The following FBXL6 variants were observed in gnomAD, a reference collection of about 807,000 sequenced individuals.
FBXL6 encodes F-box and leucine rich repeat protein 6, also known as F-box/LRR-repeat protein 6.
FBXL6 carries 50 observed loss-of-function variants against 53.3 expected under a neutral mutation model. That is an observed-to-expected ratio of 0.94 (90% confidence interval 0.75 to 1.19). FBXL6 has a LOEUF of 1.19. Ranked by LOEUF, FBXL6 falls within the 50% of genes most tolerant of loss-of-function variation. The probability of loss-of-function intolerance (pLI) is 0.00; values close to 1 mark genes in which losing one functional copy is unlikely to be tolerated. For synonymous variants in FBXL6, 405 were observed against 322.9 expected (o/e 1.25, Z -2.73); for missense variants, 815 against 719.0 (o/e 1.13, Z -1.53).
At position 144,356,415 on chromosome 8, in the gene FBXL6, A is replaced by G. The variant is rs782464474; in HGVS notation, c.1110T>C (p.Phe370=). The change falls in exon 7 of 9, where the codon TTT becomes TTC. Residue 370 remains phenylalanine, a synonymous_variant. Coordinates refer to ENST00000331890, the MANE Select transcript of FBXL6 (RefSeq NM_012162.4). ...ELCLASSTCN[F]VSNEVLGRLL... is the part of the protein sequence containing the mutation. ...GGCGGCCCAGGACCTCGTTGCTCAC[A>G]AAGTTGCAGGTTGAGCTCGCCAGGC... 1.9e-6 allele frequency: 3 copies of G among 1,613,054 alleles called. No individual in the cohort carries two copies. The South Asian group carries it at 3.3e-5, about 18-fold the overall frequency.
In FBXL6 at chr8:144,356,863, C is replaced by G; in HGVS notation, c.824G>C (p.Arg275Pro). The part of the protein sequence containing the change: ...SFLEEAGSRM[R>P]KLWLTYSSQT... The stretch of plus-strand genomic sequence containing the variant: ...GGAGCTGTAGGTCAGCCACAACTTG[C>G]GCATTCGGGACCCTGCCTCCTCCAA... Residue 275 changes from arginine to proline, a missense_variant, in exon 5 of 9, where the codon CGC becomes CCC. By Grantham distance (103) the Arg-to-Pro change is moderately radical. Transcript: ENST00000331890. 1.2e-6 allele frequency: 2 copies of G among 1,613,410 alleles called. No individual in the cohort carries two copies. The highest frequency in any genetic ancestry group is 1.7e-6 in the Non-Finnish European group (2 of 1,180,006).
At position 144,357,023 on chromosome 8, in the gene FBXL6, G is replaced by A; in HGVS notation, c.738C>T (p.Cys246=). Residue 246 remains cysteine, a synonymous_variant, in exon 4 of 9, where the codon TGC becomes TGT. Transcript: ENST00000331890. ...DALVMLAKAC[C]QLHSLDLQHS... is the part of the protein sequence containing the mutation. ...GCTGTAGGTCCAGGCTATGGAGCTGGCAGCAGGCTTTGGCTAGCATGACCA... is the reference window on the plus strand; with the variant it reads ...GCTGTAGGTCCAGGCTATGGAGCTGACAGCAGGCTTTGGCTAGCATGACCA... The A allele has an allele frequency of 1.2e-6, 2 of 1,613,026 alleles. No homozygotes were observed. Among genetic ancestry groups the A allele is most frequent in the Non-Finnish European group, 1.7e-6 (2 of 1,180,012 alleles).
intron 8 of FBXL6, 55 bp downstream of exon 8, chr8:144,355,913 G>C: frequency 6.2e-7 from 1 of 1,601,134 alleles, no homozygotes; most frequent in Non-Finnish European, 8.5e-7. Context: ...CCAGGCCCCA[G>C]GCAGACACAG....
chr8:144,358,455 G>C lies in FBXL6; in HGVS notation c.-8C>G. On this transcript the variant is annotated 5_prime_UTR_variant, in exon 1 of 9. Transcript: ENST00000331890. ...GGAGGCTGGGGCAGCCATGACCACCGACGGCGCTCGGGGAAGCCCCAGGGA... is the reference window on the plus strand; with the variant it reads ...GGAGGCTGGGGCAGCCATGACCACCCACGGCGCTCGGGGAAGCCCCAGGGA... 1 of 1,238,176 alleles carries C rather than the reference G, an allele frequency of 8.1e-7. No individual in the cohort carries two copies. Among genetic ancestry groups the C allele is most frequent in the Non-Finnish European group, 1.0e-6 (1 of 991,160 alleles). 76.7% of individuals were successfully genotyped at this position (1,238,176 alleles called of 1,614,324 possible).
rs377710987 is a variant in FBXL6, at chr8:144,356,587, G to A, written c.993+13C>T. 2,842 of 1,612,668 alleles carry A rather than the reference G, an allele frequency of 1.8e-3. 60 individuals carry two copies. In the South Asian group the frequency reaches 0.029, roughly 16 times the overall value. The stretch of plus-strand genomic sequence containing the variant: ...GAGGGTGTGACAGGTGGGAGAGGCA[G>A]GGCGCCAGGTACCTGGAGCTGAGGG... On this transcript the variant is annotated intron_variant, in intron 6 of 8. Coordinates refer to ENST00000331890, the MANE Select transcript of FBXL6 (RefSeq NM_012162.4).
rs782628611 is a variant in FBXL6, at chr8:144,357,006, T to C, written c.755A>G (p.Asp252Gly). The C allele has an allele frequency of 3.1e-6, 5 of 1,612,818 alleles. No individual in the cohort carries two copies. The African/African-American group carries it at 6.7e-5, about 22-fold the overall frequency. ...AKACCQLHSL[D>G]LQHSMVESTA... is the part of the protein sequence containing the mutation. ...AGGGCTCACCATGGAGTGCTGTAGGTCCAGGCTATGGAGCTGGCAGCAGGC... is the reference window on the plus strand; with the variant it reads ...AGGGCTCACCATGGAGTGCTGTAGGCCCAGGCTATGGAGCTGGCAGCAGGC... Residue 252 changes from aspartate to glycine, a missense_variant, in exon 4 of 9, where the codon GAC becomes GGC. Physicochemically the swap from Asp to Gly is moderately conservative, Grantham distance 94. Transcript: ENST00000331890.
In FBXL6 at chr8:144,355,991, G is replaced by A; in HGVS notation, c.1449C>T (p.Thr483=). ...PALCSLNLRG[T]RVTPSTVSSV... The stretch of plus-strand genomic sequence containing the variant: ...ACCTGACAGTGCTTGGTGTGACCCG[G>A]GTGCCCCTGAGGTTAAGAGAGCACA... The change falls in exon 8 of 9, where the codon ACC becomes ACT. Residue 483 remains threonine, a synonymous_variant. Coordinates refer to ENST00000331890, the MANE Select transcript of FBXL6 (RefSeq NM_012162.4). The A allele has an allele frequency of 1.9e-6, 3 of 1,612,900 alleles. No homozygotes were observed. Among genetic ancestry groups the A allele is most frequent in the Non-Finnish European group, 2.5e-6 (3 of 1,179,882 alleles).
At position 144,357,014 on chromosome 8, in the gene FBXL6, A is replaced by T; in HGVS notation, c.747T>A (p.His249Gln). Reference sequence around the variant, plus strand: ...CCATGGAGTGCTGTAGGTCCAGGCTATGGAGCTGGCAGCAGGCTTTGGCTA... The same window carrying T: ...CCATGGAGTGCTGTAGGTCCAGGCTTTGGAGCTGGCAGCAGGCTTTGGCTA... ...VMLAKACCQL[H>Q]SLDLQHSMVE... The change falls in exon 4 of 9, where the codon CAT becomes CAA. Residue 249 changes from histidine (H) to glutamine (Q), a missense_variant. Transcript: ENST00000331890. 6.2e-7 allele frequency: 1 copy of T among 1,612,984 alleles called. No homozygotes were observed. The highest frequency in any genetic ancestry group is 8.5e-7 in the Non-Finnish European group (1 of 1,179,998).
rs1818477826 is a variant in FBXL6 at position 144,356,989 on chromosome 8, C to T, written c.771+1G>A. On this transcript the variant is annotated splice_donor_variant, in intron 4 of 8. Transcript: ENST00000331890. LOFTEE classifies it high-confidence loss of function. ...AGGGCCCCTTGGGACACAGGGCTCA[C>T]CATGGAGTGCTGTAGGTCCAGGCTA... 1.9e-6 allele frequency: 3 copies of T among 1,612,896 alleles called. No individual in the cohort carries two copies. The African/African-American group carries it at 4.0e-5, about 22-fold the overall frequency.
intron 1 of FBXL6, 75 bp from the exon 2 acceptor site, chr8:144,357,861 C>T (rs1224174637): frequency 6.9e-7 from 1 of 1,441,556 alleles, no homozygotes; most frequent in Admixed American, 2.8e-5. Context: ...GTAGACACCC[C>T]GGCTCAAAGC....
At position 144,357,465 on chromosome 8, in the gene FBXL6, TC is replaced by T. The variant is rs781838985; in HGVS notation, c.612del (p.Trp204Ter). The T allele has an allele frequency of 2.7e-5, 44 of 1,613,256 alleles. No homozygotes were observed. The East Asian group carries it at 8.9e-4, about 33-fold the overall frequency. ...TTCAACACGGGGTGTACCTGAGACT[TC>T]CAGTGGATGAGGGTCAGCCTCTGGA... ...SQLQRLTLIHWKSQVHPVLKL... is the reference protein window; with the variant it reads ...SQLQRLTLIHXKSQVHPVLKL... On this transcript the variant is annotated frameshift_variant, in exon 3 of 9. Transcript: ENST00000331890. LOFTEE classifies it high-confidence loss of function.
Position 144,358,166 on chromosome 8 carries a change from TGCGGGC to T in FBXL6, c.276_281del (p.Ala98_Pro99del), listed in dbSNP as rs782149168. ...GCGTGGGCGTGGGTGCCGGTGCGGG[TGCGGGC>T]GCGGCCGCCGCCTCGGACCTGAGCC... On this transcript the variant is annotated inframe_deletion, in exon 1 of 9. Coordinates refer to ENST00000331890, the MANE Select transcript of FBXL6 (RefSeq NM_012162.4). 11 of 1,498,818 alleles carry T rather than the reference TGCGGGC, an allele frequency of 7.3e-6. No homozygotes were observed. The African/African-American group carries it at 1.0e-4, about 14-fold the overall frequency. The allele number at this position is 1,498,818 out of a possible 1,614,324, so 92.8% of individuals were successfully genotyped here. A position where few individuals can be genotyped will look rare whatever the true frequency, so the allele number is the denominator to read the frequency against.
chr8:144,357,635 G>A lies in FBXL6; in HGVS notation c.568C>T (p.Pro190Ser), dbSNP rs376118339. 1 of 1,609,060 alleles carries A rather than the reference G, an allele frequency of 6.2e-7. No individual in the cohort carries two copies. The highest frequency in any genetic ancestry group is 8.5e-7 in the Non-Finnish European group (1 of 1,177,482). The change falls in exon 2 of 9, where the codon CCC becomes TCC. Residue 190 changes from proline (P) to serine (S), a missense_variant. Coordinates refer to ENST00000331890, the MANE Select transcript of FBXL6 (RefSeq NM_012162.4). ...KLLASLEWLMPNRFSQLQRLT... is the reference protein window; with the variant it reads ...KLLASLEWLMSNRFSQLQRLT... The stretch of plus-strand genomic sequence containing the variant: ...AGAGAGGGAACCCCTCACCGATTGG[G>A]CATAAGCCACTCCAGGGAAGCAAGG...
At position 144,356,789 on chromosome 8, in the gene FBXL6, CCCA is replaced by C; in HGVS notation, c.879+16_879+18del. 2 of 1,613,002 alleles carry C rather than the reference CCCA, an allele frequency of 1.2e-6. No homozygotes were observed. The highest frequency in any genetic ancestry group is 1.3e-5 in the African/African-American group (1 of 75,032). On this transcript the variant is annotated intron_variant, in intron 5 of 8. Coordinates refer to ENST00000331890, the MANE Select transcript of FBXL6 (RefSeq NM_012162.4). ...CCCCAGCTCAGCATCTGCCTCTGCT[CCCA>C]CCAATGCCAACTTACCAGCAGTGCG...
rs1310763551 is a variant in FBXL6, at chr8:144,355,625, C to A, written c.1526G>T (p.Arg509Leu). Residue 509 changes from arginine to leucine, a missense_variant, in exon 9 of 9, where the codon CGC becomes CTC. Transcript: ENST00000331890. The part of the protein sequence containing the change: ...GLLYLNLESC[R>L]CLPRGLKRAY... ...CCGCTTCAGACCCCGGGGAAGGCAGCGGCAGGACTCCAGGTTGAGGTAGAG... is the reference window on the plus strand; with the variant it reads ...CCGCTTCAGACCCCGGGGAAGGCAGAGGCAGGACTCCAGGTTGAGGTAGAG... 1.2e-6 allele frequency: 2 copies of A among 1,611,066 alleles called. No homozygotes were observed. Among genetic ancestry groups the A allele is most frequent in the Non-Finnish European group, 1.7e-6 (2 of 1,179,934 alleles).
At chr8:144,357,292 G>C in intron 3 of FBXL6, 147 bp downstream of exon 3, 1 of 1,244,502 alleles carries the variant, frequency 8.0e-7, no homozygotes, top group Non-Finnish European at 1.1e-6. Context: ...CCCTGCTGGA[G>C]GAAACAGCAG....
chr8:144,357,766 C>G lies in FBXL6; in HGVS notation c.437G>C (p.Arg146Pro), dbSNP rs367764174. 68 of 1,584,340 alleles carry G rather than the reference C, an allele frequency of 4.3e-5. No homozygotes were observed. The East Asian group carries it at 1.4e-3, about 34-fold the overall frequency. The change falls in exon 2 of 9, where the codon CGC becomes CCC. Residue 146 changes from arginine (R) to proline (P), a missense_variant. By Grantham distance (103) the Arg-to-Pro change is moderately radical (BLOSUM62 -2). Coordinates refer to ENST00000331890, the MANE Select transcript of FBXL6 (RefSeq NM_012162.4). The part of the protein sequence containing the change: ...FLGRAARVCR[R>P]WQEAASQPAL... ...GGGTTGGGAAGCGGCCTCCTGCCAG[C>G]GGCGGCACACGCGCGCAGCCCTGGG...
Position 144,357,441 on chromosome 8 carries a change from T to A in FBXL6, c.637A>T (p.Lys213Ter). The A allele has an allele frequency of 1.2e-6, 2 of 1,612,390 alleles. No homozygotes were observed. The highest frequency in any genetic ancestry group is 1.1e-5 in the South Asian group (1 of 90,814). The change falls in exon 3 of 9, where the codon AAG (lysine) becomes TAG (stop). Residue 213 changes from lysine (K) to a stop codon, truncating the protein, a stop_gained and splice_region_variant. Transcript: ENST00000331890. LOFTEE classifies it high-confidence loss of function. ...GCAGGACAGCCTGGAGCTCTCACCT[T>A]CAACACGGGGTGTACCTGAGACTTC... ...HWKSQVHPVL[K>*]LVGECCPRLT...
At chr8:144,357,387 GAA>G (rs1286630394) in intron 3 of FBXL6, 50 bp downstream of exon 3, 1 of 1,566,610 alleles carries the variant, frequency 6.4e-7, no homozygotes, top group African/African-American at 1.4e-5. Flanking sequence ...CTAGAGTACT[GAA>G]CAGTCCCAGA....
Sources: allele counts gnomAD v4.1 joint callset, GRCh38; gene constraint gnomAD v4.1.1; transcripts MANE v1.5; gene names NCBI Gene and HGNC (gene_info 2026-07-23, HGNC 2026-07-21).